Variants in TTC39C observed in about 807,000 individuals in gnomAD.
The protein encoded by TTC39C is tetratricopeptide repeat protein 39C.
Under a neutral mutation model 76.3 loss-of-function variants are expected in TTC39C, and 33 were observed. That is an observed-to-expected ratio of 0.43 (90% CI 0.33 to 0.58). The LOEUF (loss-of-function observed/expected upper bound fraction) is 0.58. Among genes scored for constraint, TTC39C ranks in the 20% least tolerant of loss-of-function variants. TTC39C has a pLI of 0.04. For missense variants in TTC39C, 595 were observed against 701.4 expected (o/e 0.85, Z 1.71); for synonymous variants, 254 against 260.6 (o/e 0.97, Z 0.24).
At chr18:23,999,450 C>T (rs1357660223) in intron 1 of TTC39C, among the ~76,000 whole-genome samples, 2 of 152,324 alleles carry the variant, frequency 1.3e-5, no homozygotes, top group Admixed American at 1.3e-4. Context: ...AGCTTATCTC[C>T]TGACTCTCTG....
chr18:23,993,875 G>A (rs2083239267), intron 1 of TTC39C, among the ~76,000 whole-genome samples: 1 of 152,080 alleles, frequency 6.6e-6, no homozygotes, highest in Non-Finnish European at 1.5e-5. Flanking sequence ...AAAAATAATT[G>A]CTTTTAATGG....
At position 24,130,383 on chromosome 18, in the gene TTC39C, A is replaced by T; in HGVS notation, c.1589A>T (p.Tyr530Phe). The T allele has an allele frequency of 1.9e-6, 3 of 1,583,630 alleles. No individual in the cohort carries two copies. Among genetic ancestry groups the T allele is most frequent in the Non-Finnish European group, 2.6e-6 (3 of 1,165,206 alleles). Residue 530 changes from tyrosine (Y) to phenylalanine (F), a missense_variant, in exon 12 of 14, where the codon TAT becomes TTT. Transcript: ENST00000317571. ...TTATATGTTCAGCCGTATGCCTGTT[A>T]TGAACTTGGCTGTCTTCTATTAGAC... ...NNLYVQPYAC[Y>F]ELGCLLLDKP...
chr18:23,998,354 T>G (rs1049429171), intron 1 of TTC39C, among the ~76,000 whole-genome samples: 2 of 152,216 alleles, frequency 1.3e-5, no homozygotes, highest in African/African-American at 4.8e-5. Flanking sequence ...CCAGGTGCAG[T>G]GGCTCACGCC....
chr18:24,003,512 C>T (rs1026837817), intron 1 of TTC39C, among the ~76,000 whole-genome samples: 3 of 152,314 alleles, frequency 2.0e-5, no homozygotes, highest in Admixed American at 2.0e-4. Context: ...TTGAACTGAA[C>T]TGGTCCTTGT....
rs62087929 is a variant in TTC39C, at chr18:24,027,318, A to G, written c.167+12280A>G. 2.1e-3 allele frequency among the ~76,000 whole-genome samples: 316 copies of G among 152,172 alleles called. 1 individual carries two copies. The highest frequency in any genetic ancestry group is 3.7e-3 in the South Asian group (18 of 4,822). On this transcript the variant is annotated intron_variant, in intron 1 of 13. Coordinates refer to ENST00000317571, the MANE Select transcript of TTC39C (RefSeq NM_001135993.2). ...CGGATTAAACTAAAATTCATGCTGCACAGCCTCTAGGATCGCTTCCAGTAG... is the reference window on the plus strand; with the variant it reads ...CGGATTAAACTAAAATTCATGCTGCGCAGCCTCTAGGATCGCTTCCAGTAG...
At chr18:24,037,649 A>G (rs535761029) in intron 1 of TTC39C, among the ~76,000 whole-genome samples, 2 of 152,232 alleles carry the variant, frequency 1.3e-5, no homozygotes, top group Admixed American at 6.5e-5. Context: ...TATATTAGAC[A>G]TTCTGTGTTG....
chr18:23,994,565 C>T (rs2083245353), intron 1 of TTC39C: 1 of 151,896 alleles, frequency 6.6e-6, no homozygotes, highest in African/African-American at 2.4e-5. Context: ...ATAGCCAGGG[C>T]TTACACAAAC....
At chr18:24,096,922 T>C (rs576151159) in intron 6 of TTC39C, among the ~76,000 whole-genome samples, 77 of 152,330 alleles carry the variant, frequency 5.1e-4, no homozygotes, top group Admixed American at 3.1e-3. Flanking sequence ...CCTGGGAATT[T>C]AACCATGTCA....
intron 6 of TTC39C, chr18:24,113,757 T>C: frequency 1.4e-6 from 1 of 695,362 alleles, no homozygotes; most frequent in South Asian, 1.5e-5. Flanking sequence ...TGGGTACTTG[T>C]GGCATCGTGT....
chr18:24,121,876 C>A (rs2084972542), intron 8 of TTC39C, among the ~76,000 whole-genome samples: 2 of 152,172 alleles, frequency 1.3e-5, no homozygotes, highest in Non-Finnish European at 2.9e-5. Context: ...TTGCACAATA[C>A]AGCCACTGAG....
At chr18:24,014,606 G>A (rs1030103443), upstream of TTC39C, 1 of 324,062 alleles carries the variant, frequency 3.1e-6, no homozygotes, top group Non-Finnish European at 5.2e-6. Context: ...GGGTGCTTCG[G>A]AGGGCGCGAG....
intron 1 of TTC39C, among the ~76,000 whole-genome samples, chr18:24,059,053 C>A (rs924116114): frequency 6.6e-6 from 1 of 152,120 alleles, no homozygotes; most frequent in Admixed American, 6.6e-5. Context: ...TATCTTCTCC[C>A]AGTCTGTGGT....
upstream of TTC39C, chr18:24,013,015 GCTT>G (rs1407438887): frequency 4.6e-5 from 7 of 152,262 alleles, no homozygotes; most frequent in East Asian, 5.8e-4. Context: ...TCCAGGGAAC[GCTT>G]CTTCTCATCT....
intron 9 of TTC39C, among the ~76,000 whole-genome samples, chr18:24,125,042 G>A (rs953179399): frequency 1.3e-5 from 2 of 152,134 alleles, no homozygotes; most frequent in Non-Finnish European, 2.9e-5. Flanking sequence ...ACAGGCATGT[G>A]CCACCATACC....
chr18:24,092,981 T>C (rs1320926862), intron 6 of TTC39C, among the ~76,000 whole-genome samples: 1 of 152,088 alleles, frequency 6.6e-6, no homozygotes, highest in African/African-American at 2.4e-5. Context: ...GGTGGGAGGA[T>C]CATCTGAGCC....
At chr18:23,997,681 A>G (rs546242321) in intron 1 of TTC39C, among the ~76,000 whole-genome samples, 7 of 146,358 alleles carry the variant, frequency 4.8e-5, no homozygotes, top group East Asian at 2.0e-4. Context: ...AAAGAAAGAA[A>G]GAAAGAAAGA....
At chr18:24,068,334 C>T (rs557313284) in intron 3 of TTC39C, among the ~76,000 whole-genome samples, 9 of 152,182 alleles carry the variant, frequency 5.9e-5, no homozygotes, top group Non-Finnish European at 7.4e-5. Context: ...ACAGTGACCA[C>T]GATGGATTAT....
In TTC39C at chr18:23,997,813, T is replaced by C. The variant is rs557214416; in HGVS notation, c.-17+4775T>C. ...ATTGCTTGAGCCTAGGAGTTTAAGG[T>C]GTATGAGCTGTGATTGCGCCACTGC... On this transcript the variant is annotated intron_variant, in intron 1 of 13. Coordinates refer to the TTC39C transcript ENST00000304621. Among the ~76,000 whole-genome samples, 3 of 149,676 alleles carry C rather than the reference T, an allele frequency of 2.0e-5. No individual in the cohort carries two copies. The South Asian group carries it at 6.4e-4, about 32-fold the overall frequency.
intron 6 of TTC39C, among the ~76,000 whole-genome samples, chr18:24,112,975 G>T (rs1422448797): frequency 1.1e-4 from 16 of 151,806 alleles, no homozygotes; most frequent in Non-Finnish European, 1.6e-4. Context: ...TTTTAACCTT[G>T]GTGTTTTGTG....
Sources: allele counts gnomAD v4.1 joint callset (sites outside exome capture counted in the v4.1 genomes callset), GRCh38; gene constraint gnomAD v4.1.1; transcripts MANE v1.5; gene names NCBI Gene and HGNC (gene_info 2026-07-23, HGNC 2026-07-21).